Variants in ME1 observed in about 807,000 individuals in gnomAD.
ME1 encodes malic enzyme 1.
In ME1, 74 loss-of-function variants were observed where a neutral mutation model predicts 66.4. The observed-to-expected ratio is 1.11, with a 90% confidence interval of 0.92 to 1.35. The LOEUF (loss-of-function observed/expected upper bound fraction) is 1.35, where lower values mean the gene tolerates loss of function less well. Ranked by LOEUF, ME1 falls within the 40% of genes most tolerant of loss-of-function variation. The pLI is 0.00. For synonymous variants in ME1, 251 were observed against 235.6 expected (o/e 1.07, Z -0.60); for missense variants, 750 against 694.1 (o/e 1.08, Z -0.90).
At chr6:83,294,992 A>C (rs976955490) in intron 6 of ME1, among the ~76,000 whole-genome samples, 1 of 152,236 alleles carries the variant, frequency 6.6e-6, no homozygotes, top group Non-Finnish European at 1.5e-5. Flanking sequence ...ATCTGCAGCC[A>C]GCACTCAAAT....
At chr6:83,388,091 CTTT>C (rs57683304) in intron 3 of ME1, among the ~76,000 whole-genome samples, 1 of 133,394 alleles carries the variant, frequency 7.5e-6, no homozygotes, top group Admixed American at 8.3e-5. Context: ...TCCTTCCTTC[CTTT>C]TTTTTTTTGG....
At chr6:83,356,188 G>C (rs764976262) in intron 3 of ME1, among the ~76,000 whole-genome samples, 48 of 152,044 alleles carry the variant, frequency 3.2e-4, no homozygotes, top group Non-Finnish European at 5.7e-4. Context: ...ATAAGTTTAT[G>C]ACCCTGATCC....
chr6:83,373,064 A>G (rs1031952945), intron 3 of ME1, among the ~76,000 whole-genome samples: 7 of 152,252 alleles, frequency 4.6e-5, no homozygotes, highest in Admixed American at 3.3e-4. Context: ...CATTCAAATA[A>G]AAGTTCCATC....
At chr6:83,246,960 C>G (rs893531791) in intron 7 of ME1, among the ~76,000 whole-genome samples, 8 of 152,130 alleles carry the variant, frequency 5.3e-5, no homozygotes, top group African/African-American at 9.7e-5. Flanking sequence ...AATAGTAAGG[C>G]TAAACTCCAA....
At chr6:83,304,047 A>G (rs151182082) in intron 6 of ME1, among the ~76,000 whole-genome samples, 1 of 152,296 alleles carries the variant, frequency 6.6e-6, no homozygotes, top group East Asian at 1.9e-4. Context: ...GTTACTATTT[A>G]TAGCACTTGA....
chr6:83,299,063 A>C (rs1583365556), intron 6 of ME1, among the ~76,000 whole-genome samples: 1 of 141,944 alleles, frequency 7.0e-6, no homozygotes, highest in African/African-American at 2.6e-5. Flanking sequence ...TTTGCTTAGT[A>C]TTTTCTTGGC....
chr6:83,300,959 C>T (rs1767703947), intron 6 of ME1, among the ~76,000 whole-genome samples: 1 of 152,134 alleles, frequency 6.6e-6, no homozygotes, highest in Non-Finnish European at 1.5e-5. Context: ...GAAAACCAAA[C>T]ACTGCGTGTT....
At chr6:83,354,262 G>T (rs924171111) in intron 3 of ME1, among the ~76,000 whole-genome samples, 1 of 152,110 alleles carries the variant, frequency 6.6e-6, no homozygotes, top group African/African-American at 2.4e-5. Flanking sequence ...AGGTGGCTAG[G>T]ATTACAGGCG....
chr6:83,282,317 T>G (rs928540857), intron 6 of ME1, among the ~76,000 whole-genome samples: 1 of 152,136 alleles, frequency 6.6e-6, no homozygotes, highest in Admixed American at 6.5e-5. Context: ...ATCATCAGAG[T>G]GAACAGGCAA....
chr6:83,248,514 C>T (rs1030913058), intron 7 of ME1, among the ~76,000 whole-genome samples: 1 of 152,076 alleles, frequency 6.6e-6, no homozygotes, highest in African/African-American at 2.4e-5. Context: ...GTGTCCCCAC[C>T]CAAATCTCAT....
At chr6:83,354,839 T>C (rs1768860026) in intron 3 of ME1, among the ~76,000 whole-genome samples, 1 of 152,198 alleles carries the variant, frequency 6.6e-6, no homozygotes. Context: ...TCCAACAATA[T>C]GTGCTGACTT....
intron 3 of ME1, among the ~76,000 whole-genome samples, chr6:83,357,666 C>T (rs1438439901): frequency 6.6e-6 from 1 of 151,758 alleles, no homozygotes; most frequent in Non-Finnish European, 1.5e-5. Flanking sequence ...TGGGTGGGCA[C>T]AATCTAATCA....
intron 5 of ME1, among the ~76,000 whole-genome samples, chr6:83,322,758 C>A (rs757640674): frequency 3.9e-5 from 6 of 152,086 alleles, no homozygotes; most frequent in Non-Finnish European, 7.4e-5. Flanking sequence ...GAGAACTTCC[C>A]CAAACTCACA....
At chr6:83,387,218 G>T (rs894509989) in intron 3 of ME1, among the ~76,000 whole-genome samples, 1 of 151,842 alleles carries the variant, frequency 6.6e-6, no homozygotes, top group African/African-American at 2.4e-5. Context: ...AAAAAAGCCA[G>T]GTAGATTTAA....
chr6:83,223,870 G>A lies in ME1; in HGVS notation c.1339C>T (p.Leu447=), dbSNP rs753697859. Residue 447 remains leucine (L), a synonymous_variant, in exon 12 of 14, where the codon CTA becomes TTA. Transcript: ENST00000369705. ...DPVTLPNGQT[L]YPGQGNNSYV... is the part of the protein sequence containing the mutation. The stretch of plus-strand genomic sequence containing the variant: ...GAATTGTTGCCTTGGCCAGGATATA[G>A]GGTCTGTCCATTTGGAAGAGTGACT... The A allele has an allele frequency of 1.9e-6, 3 of 1,613,870 alleles. No homozygotes were observed. In the African/African-American group the frequency reaches 4.0e-5, roughly 22 times the overall value.
intron 10 of ME1, among the ~76,000 whole-genome samples, chr6:83,228,097 C>T (rs1486064393): frequency 6.6e-6 from 1 of 152,106 alleles, no homozygotes; most frequent in Non-Finnish European, 1.5e-5. Flanking sequence ...TTCACAAGAG[C>T]TTGTAGGAAT....
chr6:83,396,797 T>C (rs1182491656), intron 3 of ME1, among the ~76,000 whole-genome samples: 1 of 151,928 alleles, frequency 6.6e-6, no homozygotes, highest in Non-Finnish European at 1.5e-5. Context: ...AGAAAGAGAA[T>C]AGACAGCCCA....
chr6:83,315,278 G>A, intron 6 of ME1, 32 bp downstream of exon 6: 2 of 1,305,154 alleles, frequency 1.5e-6, no homozygotes, highest in Non-Finnish European at 2.2e-6. Context: ...TATTGTTACT[G>A]ACTAAAATAT....
chr6:83,401,921 A>G (rs1769848375), intron 2 of ME1, among the ~76,000 whole-genome samples: 1 of 152,178 alleles, frequency 6.6e-6, no homozygotes, highest in Non-Finnish European at 1.5e-5. Flanking sequence ...TTTTTCTGGC[A>G]TAGACCCTTA....
Sources: allele counts gnomAD v4.1 joint callset (sites outside exome capture counted in the v4.1 genomes callset), GRCh38; gene constraint gnomAD v4.1.1; transcripts MANE v1.5; gene names NCBI Gene and HGNC (gene_info 2026-07-23, HGNC 2026-07-21).